SCAPER: variants seen among roughly 807,000 people sequenced by gnomAD.
The protein encoded by SCAPER is S phase cyclin A-associated protein in the endoplasmic reticulum.
Under a neutral mutation model 182.2 loss-of-function variants are expected in SCAPER, and 98 were observed. That is an observed-to-expected ratio of 0.54 (90% confidence interval 0.46 to 0.64). SCAPER has a LOEUF of 0.64. SCAPER is among the 30% of genes least tolerant of loss of function. The pLI is 0.00. For missense variants in SCAPER, 1,432 were observed against 1,690.0 expected, an observed-to-expected ratio of 0.85 and a Z score of 2.68; for synonymous variants, 605 against 564.6, an observed-to-expected ratio of 1.07 and a Z score of -1.01.
At chr15:76,603,944 G>A (rs1597619777) in intron 22 of SCAPER, among the ~76,000 whole-genome samples, 1 of 120,842 alleles carries the variant, frequency 8.3e-6, no homozygotes, top group Admixed American at 9.4e-5. Context: ...AGATGAGTAG[G>A]TTGCAAAAAT....
chr15:76,632,936 G>A (rs996483522), intron 21 of SCAPER, among the ~76,000 whole-genome samples: 3 of 151,568 alleles, frequency 2.0e-5, no homozygotes, highest in Non-Finnish European at 2.9e-5. Flanking sequence ...CACCACACCC[G>A]GCTCAATTTT....
intron 3 of SCAPER, 94 bp downstream of exon 3, chr15:76,862,322 G>T: frequency 1.4e-6 from 1 of 705,340 alleles, no homozygotes; most frequent in Non-Finnish European, 2.4e-6. Flanking sequence ...AGCCCTAGAA[G>T]TCTAATTGCA....
intron 1 of SCAPER, among the ~76,000 whole-genome samples, chr15:76,895,958 T>G (rs2074415335): frequency 6.6e-6 from 1 of 150,894 alleles, no homozygotes; most frequent in Non-Finnish European, 1.5e-5. Context: ...GAGAATGGTG[T>G]GAACCCGGGA....
At chr15:76,464,112 C>G (rs2049406092) in intron 25 of SCAPER, among the ~76,000 whole-genome samples, 1 of 143,910 alleles carries the variant, frequency 6.9e-6, no homozygotes, top group Non-Finnish European at 1.5e-5. Flanking sequence ...TAAAATGGGT[C>G]TCTAGAACTT....
chr15:76,757,872 TTCCATGTACCTGTTA>T (rs1479959969), intron 14 of SCAPER, among the ~76,000 whole-genome samples: 1 of 152,228 alleles, frequency 6.6e-6, no homozygotes, highest in African/African-American at 2.4e-5. Context: ...CTGAGCACCT[TTCCATGTACCTGTTA>T]GCCTTTTGGA....
At chr15:76,855,954 T>C (rs12592686) in intron 4 of SCAPER, 111,770 of 312,208 alleles carry the variant, frequency 0.36, 20,915 homozygotes, top group East Asian at 0.55. Context: ...CATTCTACCA[T>C]AAAGACACAT....
At chr15:76,436,881 TAA>T (rs1201813185) in intron 25 of SCAPER, among the ~76,000 whole-genome samples, 2 of 152,214 alleles carry the variant, frequency 1.3e-5, no homozygotes, top group Non-Finnish European at 2.9e-5. Flanking sequence ...TTAATATTTA[TAA>T]GTCTATTGTC....
chr15:76,688,139 C>T (rs1025134132), intron 20 of SCAPER, among the ~76,000 whole-genome samples: 9 of 152,116 alleles, frequency 5.9e-5, no homozygotes, highest in Non-Finnish European at 1.2e-4. Context: ...TTCTAACTGG[C>T]GTGAGATGGG....
At chr15:76,787,826 A>G (rs927979973) in intron 8 of SCAPER, among the ~76,000 whole-genome samples, 2 of 152,196 alleles carry the variant, frequency 1.3e-5, no homozygotes, top group African/African-American at 4.8e-5. Context: ...AGACTTGATG[A>G]CAAAAGTATG....
intron 26 of SCAPER, among the ~76,000 whole-genome samples, chr15:76,431,675 G>GAAAAAAAAAAAA (rs1567126176): frequency 2.5e-3 from 11 of 4,326 alleles, no homozygotes; most frequent in Non-Finnish European, 3.2e-3. Flanking sequence ...AAAATGATTA[G>GAAAAAAAAAAAA]CAAAAAAAAA....
At chr15:76,704,540 T>A (rs2059140436) in intron 18 of SCAPER, among the ~76,000 whole-genome samples, 1 of 152,204 alleles carries the variant, frequency 6.6e-6, no homozygotes, top group African/African-American at 2.4e-5. Flanking sequence ...TTTCTACATA[T>A]GTCTAGCCAG....
At chr15:76,457,458 C>T (rs2048825700) in intron 25 of SCAPER, among the ~76,000 whole-genome samples, 1 of 152,104 alleles carries the variant, frequency 6.6e-6, no homozygotes, top group South Asian at 2.1e-4. Flanking sequence ...TCTCTAATTC[C>T]TTTTTTCCTT....
chr15:76,638,562 C>T (rs995601054), intron 21 of SCAPER, among the ~76,000 whole-genome samples: 12 of 152,104 alleles, frequency 7.9e-5, no homozygotes, highest in Non-Finnish European at 1.8e-4. Context: ...AGAGGTTTTT[C>T]TGTTGAACAG....
chr15:76,508,981 T>A (rs2041817810), intron 23 of SCAPER, among the ~76,000 whole-genome samples: 1 of 152,150 alleles, frequency 6.6e-6, no homozygotes, highest in African/African-American at 2.4e-5. Context: ...ATCCTACCAG[T>A]AGTTGTACAC....
rs149458699 is a variant in SCAPER, at chr15:76,393,444, A to T, written c.3467+11080T>A. ...CTTTGTCCAAAGACAGTAGCTAATG[A>T]CAACAAAATATTTAGGAATGGGCTG... On this transcript the variant is annotated intron_variant, in intron 27 of 31. Coordinates refer to ENST00000563290, the MANE Select transcript of SCAPER (RefSeq NM_020843.4). Among the ~76,000 whole-genome samples, 51 of 152,364 alleles carry T rather than the reference A, an allele frequency of 3.3e-4. No individual in the cohort carries two copies. The East Asian group carries it at 9.8e-3, about 29-fold the overall frequency.
intron 26 of SCAPER, among the ~76,000 whole-genome samples, chr15:76,411,818 G>A (rs879349514): frequency 2.6e-5 from 4 of 151,962 alleles, no homozygotes; most frequent in Admixed American, 6.6e-5. Context: ...CCGTTTTATT[G>A]GATTTGAAAC....
At chr15:76,781,101 G>A (rs2064099980) in intron 8 of SCAPER, among the ~76,000 whole-genome samples, 2 of 152,158 alleles carry the variant, frequency 1.3e-5, no homozygotes, top group South Asian at 4.1e-4. Context: ...AACTAAAGGA[G>A]CATGTTCTAA....
intron 5 of SCAPER, among the ~76,000 whole-genome samples, chr15:76,806,983 T>C (rs1029263388): frequency 3.3e-5 from 5 of 152,202 alleles, no homozygotes; most frequent in African/African-American, 1.2e-4. Context: ...GGGTTCTTTA[T>C]ATATAGAATC....
chr15:76,372,134 C>T (rs2042228503), intron 29 of SCAPER, among the ~76,000 whole-genome samples: 1 of 152,016 alleles, frequency 6.6e-6, no homozygotes, highest in Non-Finnish European at 1.5e-5. Context: ...AGTGGATGTC[C>T]AGTTTAGTAT....
Sources: gnomAD v4.1 joint callset for allele counts (sites outside exome capture counted in the v4.1 genomes callset) on GRCh38, gnomAD v4.1.1 for gene constraint, MANE v1.5 for transcripts, NCBI Gene and HGNC (gene_info 2026-07-23, HGNC 2026-07-21) for gene names.